The following PPP2R2D variants were observed in gnomAD, a reference collection of about 807,000 sequenced individuals.
PPP2R2D encodes the protein protein phosphatase 2 regulatory subunit Bdelta, also known as serine/threonine-protein phosphatase 2A 55 kDa regulatory subunit B delta isoform.
PPP2R2D carries 9 observed loss-of-function variants against 31.1 expected under a neutral mutation model. The ratio of observed to expected loss-of-function variants is 0.29; its 90% CI spans 0.17 to 0.51. The LOEUF (loss-of-function observed/expected upper bound fraction) is 0.51. Among genes scored for constraint, PPP2R2D ranks in the 20% least tolerant of loss-of-function variants. The pLI, the probability that PPP2R2D is intolerant of heterozygous loss-of-function variation, is 0.98. For synonymous variants in PPP2R2D, 179 were observed against 172.6 expected, an observed-to-expected ratio of 1.04 and a Z score of -0.29; for missense variants, 391 against 465.6, an observed-to-expected ratio of 0.84 and a Z score of 1.48.
chr10:131,933,692 C>T (rs1554896039), intron 2 of PPP2R2D, among the ~76,000 whole-genome samples: 1 of 152,114 alleles, frequency 6.6e-6, no homozygotes, highest in Non-Finnish European at 1.5e-5. Context: ...AGTCACAGAC[C>T]TGGGATTTTT....
intron 5 of PPP2R2D, among the ~76,000 whole-genome samples, chr10:131,942,287 C>T (rs1554897348): frequency 6.6e-6 from 1 of 152,218 alleles, no homozygotes; most frequent in Admixed American, 6.5e-5. Context: ...TGGTTTTATT[C>T]AAGGCTGCTT....
intron 2 of PPP2R2D, among the ~76,000 whole-genome samples, chr10:131,926,738 A>G (rs1267849243): frequency 6.6e-6 from 1 of 152,176 alleles, no homozygotes; most frequent in Non-Finnish European, 1.5e-5. Flanking sequence ...GTGTTTTTTG[A>G]CTGTTGTGTG....
intron 8 of PPP2R2D, among the ~76,000 whole-genome samples, chr10:131,949,703 G>A (rs577864681): frequency 7.2e-5 from 11 of 152,178 alleles, no homozygotes; most frequent in Non-Finnish European, 1.6e-4. Context: ...GACTGGAAAG[G>A]AATCAGAGGG....
chr10:131,970,531 T>A, the PPP2R2D span: 12 of 1,427,750 alleles, frequency 8.4e-6, no homozygotes, highest in Admixed American at 2.5e-4. The surrounding 1 kb of genome is among the most constrained non-coding windows in gnomAD (Gnocchi z 4.1). Flanking sequence ...TGCACCAAGC[T>A]GTAACTGATG....
intron 2 of PPP2R2D, among the ~76,000 whole-genome samples, chr10:131,904,517 A>T (rs1238754442): frequency 2.6e-5 from 4 of 152,222 alleles, no homozygotes; most frequent in Non-Finnish European, 4.4e-5. Context: ...CTCAAAAAAA[A>T]AAAGAGAGAT....
intron 2 of PPP2R2D, among the ~76,000 whole-genome samples, chr10:131,932,974 A>G (rs4880334): frequency 6.6e-6 from 1 of 152,140 alleles, no homozygotes; most frequent in Non-Finnish European, 1.5e-5. Context: ...GCTAGAATAC[A>G]ATTAATTATG....
chr10:131,924,069 C>T (rs1163449720), intron 2 of PPP2R2D, among the ~76,000 whole-genome samples: 4 of 152,172 alleles, frequency 2.6e-5, no homozygotes, highest in African/African-American at 9.7e-5. Flanking sequence ...ATACAAGTCC[C>T]TTATCAGATA....
chr10:131,916,850 C>G (rs575179266), intron 2 of PPP2R2D, among the ~76,000 whole-genome samples: 1 of 147,728 alleles, frequency 6.8e-6, no homozygotes, highest in Non-Finnish European at 1.5e-5. Context: ...TTGTAGGGAC[C>G]TCAGGCGGGT....
intron 2 of PPP2R2D, among the ~76,000 whole-genome samples, chr10:131,916,921 TCAGG>T (rs1175506338): frequency 6.7e-6 from 1 of 149,564 alleles, no homozygotes; most frequent in East Asian, 2.0e-4. Flanking sequence ...TGTAGGGACC[TCAGG>T]CGGGTGGAAT....
At chr10:131,913,759 G>T (rs1401727709) in intron 2 of PPP2R2D, among the ~76,000 whole-genome samples, 5 of 152,304 alleles carry the variant, frequency 3.3e-5, no homozygotes, top group African/African-American at 1.2e-4. Context: ...GCCATGGCAG[G>T]TGTGGACTGT....
intron 8 of PPP2R2D, among the ~76,000 whole-genome samples, chr10:131,954,749 C>G (rs2036761912): frequency 6.6e-6 from 1 of 152,146 alleles, no homozygotes; most frequent in Non-Finnish European, 1.5e-5. Flanking sequence ...GCTTCTTTCT[C>G]ATGGCACCTT....
chr10:131,954,931 A>G (rs1342347174), intron 8 of PPP2R2D, among the ~76,000 whole-genome samples: 10 of 152,226 alleles, frequency 6.6e-5, no homozygotes, highest in Non-Finnish European at 1.3e-4. Flanking sequence ...TCATGAAGCC[A>G]TGGGTCAAAT....
intron 2 of PPP2R2D, among the ~76,000 whole-genome samples, chr10:131,924,009 G>A (rs1589937396): frequency 6.6e-6 from 1 of 152,108 alleles, no homozygotes; most frequent in Non-Finnish European, 1.5e-5. Context: ...GTTAGCCACC[G>A]TGCCCGGGCC....
chr10:131,916,701 A>C (rs2035791381), intron 2 of PPP2R2D, among the ~76,000 whole-genome samples: 2 of 145,518 alleles, frequency 1.4e-5, no homozygotes, highest in Non-Finnish European at 3.0e-5. Context: ...GGAATGACAT[A>C]GTGTTTGTAG....
At chr10:131,962,038 A>C (rs1027210942), downstream of PPP2R2D, among the ~76,000 whole-genome samples, 8 of 152,322 alleles carry the variant, frequency 5.3e-5, no homozygotes, top group East Asian at 3.9e-4. Context: ...TCCGGGGAGC[A>C]CCGGTGCCCG....
At chr10:131,948,367 AC>A (rs1221119957) in intron 8 of PPP2R2D, among the ~76,000 whole-genome samples, 4 of 152,186 alleles carry the variant, frequency 2.6e-5, no homozygotes, top group Admixed American at 1.3e-4. Context: ...GCAAAAAGTT[AC>A]GTTTCAGATG....
In PPP2R2D at chr10:131,937,465, G is replaced by C. The variant is rs782441370; in HGVS notation, c.199-2566G>C. On this transcript the variant is annotated intron_variant, in intron 3 of 8. Transcript: ENST00000455566. ...CTGTGTGTTACTTCCCTGCTCTCCT[G>C]CCCGTGTCCCCATGAGGCTTCCTTT... 3.9e-5 allele frequency among the ~76,000 whole-genome samples: 6 copies of C among 152,138 alleles called. 1 individual carries two copies. Among genetic ancestry groups the C allele is most frequent in the Non-Finnish European group, 7.4e-5 (5 of 68,026 alleles).
chr10:131,933,073 AG>A, intron 2 of PPP2R2D, among the ~76,000 whole-genome samples: 6 of 152,338 alleles, frequency 3.9e-5, no homozygotes, highest in African/African-American at 1.4e-4. Flanking sequence ...TAAGCAAGTT[AG>A]GTTATTTTCA....
At chr10:131,924,409 T>C (rs2036059547) in intron 2 of PPP2R2D, among the ~76,000 whole-genome samples, 1 of 152,196 alleles carries the variant, frequency 6.6e-6, no homozygotes, top group South Asian at 2.1e-4. Context: ...TATTTAGATG[T>C]CCTGGCATCA....
Sources: gnomAD v4.1 joint callset for allele counts (sites outside exome capture counted in the v4.1 genomes callset) on GRCh38, gnomAD v4.1.1 for gene constraint, Gnocchi (gnomAD v3.1) non-coding constraint, MANE v1.5 for transcripts, NCBI Gene and HGNC (gene_info 2026-07-23, HGNC 2026-07-21) for gene names.